ATRNL1: variants seen among roughly 807,000 people sequenced by gnomAD.
The protein encoded by ATRNL1 is attractin-like protein 1.
A neutral mutation model predicts 182.7 loss-of-function variants in ATRNL1; 95 were observed. That is an observed-to-expected ratio of 0.52 (90% CI 0.44 to 0.62). ATRNL1 has a LOEUF of 0.62. ATRNL1 is among the 20% of genes least tolerant of loss of function. The probability of loss-of-function intolerance (pLI) is 0.00; values close to 1 mark genes in which losing one functional copy is unlikely to be tolerated. For synonymous variants in ATRNL1, 576 were observed against 568.3 expected (o/e 1.01, Z -0.19); for missense variants, 1,471 against 1,679.5 (o/e 0.88, Z 2.17).
chr10:115,883,733 G>A (rs1393759449), intron 28 of ATRNL1, among the ~76,000 whole-genome samples: 2 of 152,204 alleles, frequency 1.3e-5, no homozygotes, highest in Non-Finnish European at 2.9e-5. Context: ...AGAGAGCAGA[G>A]GGGATCTTCT....
chr10:115,365,798 C>G (rs1174179666), intron 19 of ATRNL1, among the ~76,000 whole-genome samples: 1 of 152,114 alleles, frequency 6.6e-6, no homozygotes, highest in African/African-American at 2.4e-5. Flanking sequence ...CATTCAGGAG[C>G]AGGTTGTTCA....
chr10:115,351,784 TTTAA>T (rs1159764851), intron 19 of ATRNL1, among the ~76,000 whole-genome samples: 3 of 70,014 alleles, frequency 4.3e-5, no homozygotes, highest in African/African-American at 1.0e-4. Flanking sequence ...TGTTTTTGTT[TTTAA>T]TTGTGTCTTT....
intron 8 of ATRNL1, among the ~76,000 whole-genome samples, chr10:115,189,944 T>G (rs1212573629): frequency 3.9e-5 from 6 of 152,110 alleles, no homozygotes; most frequent in African/African-American, 1.4e-4. Flanking sequence ...TACACCACAC[T>G]TTTACCATAC....
At chr10:115,830,306 A>G (rs1467877595) in intron 27 of ATRNL1, among the ~76,000 whole-genome samples, 2 of 152,222 alleles carry the variant, frequency 1.3e-5, no homozygotes, top group East Asian at 3.9e-4. Flanking sequence ...ATCATTGGCA[A>G]CCTTTGAGGT....
At chr10:115,155,309 T>C (rs1455606521) in intron 5 of ATRNL1, among the ~76,000 whole-genome samples, 1 of 152,056 alleles carries the variant, frequency 6.6e-6, no homozygotes, top group African/African-American at 2.4e-5. Flanking sequence ...ACAATCAAGG[T>C]TTCTATTGAT....
At chr10:115,940,236 G>T (rs559154791) in intron 28 of ATRNL1, among the ~76,000 whole-genome samples, 21 of 152,262 alleles carry the variant, frequency 1.4e-4, no homozygotes, top group Non-Finnish European at 2.6e-4. Flanking sequence ...TATGTGGTTA[G>T]GGGTACATAT....
At chr10:115,533,698 G>T (rs1310671941) in intron 25 of ATRNL1, among the ~76,000 whole-genome samples, 1 of 149,148 alleles carries the variant, frequency 6.7e-6, no homozygotes, top group South Asian at 2.1e-4. Flanking sequence ...GTGATGTTAG[G>T]GTGTCAATTT....
intron 9 of ATRNL1, among the ~76,000 whole-genome samples, chr10:115,223,913 G>GTGTGTGTGTATATATATA (rs71476115): frequency 3.2e-4 from 18 of 55,928 alleles, no homozygotes; most frequent in Middle Eastern, 0.013. Flanking sequence ...GTGTGTGTGT[G>GTGTGTGTGTATATATATA]TATATATATA....
At chr10:115,674,912 T>C (rs1945812633) in intron 26 of ATRNL1, among the ~76,000 whole-genome samples, 1 of 152,114 alleles carries the variant, frequency 6.6e-6, no homozygotes, top group East Asian at 1.9e-4. Context: ...AAATACCACA[T>C]CTTTATGAAA....
At chr10:115,428,493 C>T (rs921191411) in intron 21 of ATRNL1, among the ~76,000 whole-genome samples, 11 of 151,960 alleles carry the variant, frequency 7.2e-5, no homozygotes, top group African/African-American at 2.2e-4. Flanking sequence ...AGCATTCAGT[C>T]TTTTATCATT....
At chr10:115,274,855 G>T (rs1852033942) in intron 13 of ATRNL1, among the ~76,000 whole-genome samples, 1 of 152,202 alleles carries the variant, frequency 6.6e-6, no homozygotes, top group African/African-American at 2.4e-5. Flanking sequence ...CCCAAGCAAT[G>T]AAACCACATC....
chr10:115,593,674 A>G (rs1236896296), intron 26 of ATRNL1, among the ~76,000 whole-genome samples: 1 of 152,230 alleles, frequency 6.6e-6, no homozygotes, highest in African/African-American at 2.4e-5. Flanking sequence ...AATTAAAACT[A>G]TATCATAAAC....
At chr10:115,713,705 C>CTATCTATCATCT (rs1555055340) in intron 26 of ATRNL1, among the ~76,000 whole-genome samples, 5,111 of 100,418 alleles carry the variant, frequency 0.051, 101 homozygotes, top group Non-Finnish European at 0.061. Context: ...ATCTATCTAT[C>CTATCTATCATCT]ATCTATCTAT....
intron 24 of ATRNL1, among the ~76,000 whole-genome samples, chr10:115,486,258 C>T (rs782161036): frequency 1.5e-4 from 23 of 152,086 alleles, no homozygotes; most frequent in Non-Finnish European, 3.1e-4. Flanking sequence ...TGGGTATATA[C>T]CCAGTAATGA....
At chr10:115,789,355 G>T (rs1555081136) in intron 27 of ATRNL1, among the ~76,000 whole-genome samples, 1 of 152,158 alleles carries the variant, frequency 6.6e-6, no homozygotes. Flanking sequence ...TACTGTATCT[G>T]AAAAATTTAA....
At chr10:115,202,975 C>G (rs1239460901) in intron 8 of ATRNL1, among the ~76,000 whole-genome samples, 1 of 150,966 alleles carries the variant, frequency 6.6e-6, no homozygotes, top group East Asian at 1.9e-4. Flanking sequence ...GTGTATGTGT[C>G]GAGGAATTTA....
chr10:115,176,382 G>T (rs1307127699), intron 8 of ATRNL1, among the ~76,000 whole-genome samples: 1 of 152,110 alleles, frequency 6.6e-6, no homozygotes, highest in Non-Finnish European at 1.5e-5. Context: ...CCTTGCCCAT[G>T]CCTATGTCCT....
At chr10:115,378,073 G>C (rs1799818526) in intron 19 of ATRNL1, among the ~76,000 whole-genome samples, 1 of 152,168 alleles carries the variant, frequency 6.6e-6, no homozygotes, top group African/African-American at 2.4e-5. Flanking sequence ...ATCCGAGATG[G>C]ACTGGGACTG....
rs575596077 is a variant in ATRNL1 at position 115,327,828 on chromosome 10, C to T, written c.3038-6454C>T. ...GAAATCATCATTCTCAGTAAACTAT[C>T]GCAAGAATAAAAAACCAAACACCGC... On this transcript the variant is annotated intron_variant, in intron 18 of 28. Coordinates refer to ENST00000355044, the MANE Select transcript of ATRNL1 (RefSeq NM_207303.4). Among the ~76,000 whole-genome samples the T allele has an allele frequency of 3.0e-3, 454 of 151,810 alleles. 2 individuals carry two copies. The highest frequency in any genetic ancestry group is 0.01 in the Middle Eastern group (3 of 294).
Sources: gnomAD v4.1 joint callset for allele counts (sites outside exome capture counted in the v4.1 genomes callset) on GRCh38, gnomAD v4.1.1 for gene constraint, MANE v1.5 for transcripts, NCBI Gene and HGNC (gene_info 2026-07-23, HGNC 2026-07-21) for gene names.